The following ATP9B variants were observed in gnomAD, a reference collection of about 807,000 sequenced individuals.
ATP9B encodes the protein ATPase phospholipid transporting 9B.
In ATP9B, 110 loss-of-function variants were observed where a neutral mutation model predicts 146.1. The observed-to-expected ratio is 0.75, with a 90% CI of 0.65 to 0.88. The LOEUF (loss-of-function observed/expected upper bound fraction) is 0.88. ATP9B is among the 40% of genes least tolerant of loss of function. The pLI, the probability that ATP9B is intolerant of heterozygous loss-of-function variation, is 0.00. For missense variants in ATP9B, 1,499 were observed against 1,496.4 expected, an observed-to-expected ratio of 1.00 and a Z score of -0.03; for synonymous variants, 604 against 569.7, an observed-to-expected ratio of 1.06 and a Z score of -0.86.
At chr18:79,361,647 C>A in intron 26 of ATP9B, 1 of 325,798 alleles carries the variant, frequency 3.1e-6, no homozygotes, top group Non-Finnish European at 4.4e-6. Context: ...AAGAAAATAG[C>A]ACTAAAGTAC....
At position 79,374,107 on chromosome 18, in the gene ATP9B, T is replaced by G; in HGVS notation, c.3274+6T>G. On this transcript the variant is annotated splice_donor_region_variant and intron_variant, in intron 28 of 29. Coordinates refer to ENST00000426216, the MANE Select transcript of ATP9B (RefSeq NM_198531.5). ...TTTTCTCAATGAATATTTTGGTAAG[T>G]TGCCTTGGAATTGTTTTTTGAATCG... 6.2e-7 allele frequency: 1 copy of G among 1,613,824 alleles called. No individual in the cohort carries two copies. The highest frequency in any genetic ancestry group is 8.5e-7 in the Non-Finnish European group (1 of 1,179,818).
At chr18:79,146,957 G>T (rs1233471158) in intron 6 of ATP9B, 1 of 152,232 alleles carries the variant, frequency 6.6e-6, no homozygotes, top group East Asian at 1.9e-4. Context: ...TATGTTGTGT[G>T]CACGAAAGTC....
intron 11 of ATP9B, among the ~76,000 whole-genome samples, chr18:79,246,938 G>T (rs2095973660): frequency 6.6e-6 from 1 of 152,174 alleles, no homozygotes; most frequent in Non-Finnish European, 1.5e-5. Context: ...AAATGGATAG[G>T]CTTATCTTAA....
intron 8 of ATP9B, among the ~76,000 whole-genome samples, chr18:79,192,097 A>C (rs2095372177): frequency 6.6e-6 from 1 of 152,190 alleles, no homozygotes; most frequent in Non-Finnish European, 1.5e-5. Flanking sequence ...GTTAGGTGTC[A>C]GAATGAGATC....
chr18:79,342,275 T>TG lies in ATP9B; in HGVS notation c.2292dup (p.Leu765AlafsTer5). On this transcript the variant is annotated frameshift_variant, in exon 20 of 30. Coordinates refer to ENST00000426216, the MANE Select transcript of ATP9B (RefSeq NM_198531.5). LOFTEE classifies it high-confidence loss of function. ...GTTTAAATTGTTCCCTAGATATGGA[T>TG]GCTAACAGGCGATAAACTCGAGACA... 1 of 1,612,592 alleles carries TG rather than the reference T, an allele frequency of 6.2e-7. No homozygotes were observed. The highest frequency in any genetic ancestry group is 8.5e-7 in the Non-Finnish European group (1 of 1,178,824).
chr18:79,348,070 G>T (rs2096900638), intron 24 of ATP9B, 62 bp from the exon 25 acceptor site: 12 of 1,603,374 alleles, frequency 7.5e-6, no homozygotes, highest in Admixed American at 5.0e-5. Context: ...CCCCTGAGAG[G>T]CTTGGGGCCA....
At chr18:79,229,509 T>C (rs530895394) in intron 11 of ATP9B, among the ~76,000 whole-genome samples, 2 of 152,362 alleles carry the variant, frequency 1.3e-5, no homozygotes, top group South Asian at 2.1e-4. Context: ...ATGTTTTTAA[T>C]TCCAAACAAT....
intron 1 of ATP9B, among the ~76,000 whole-genome samples, chr18:79,095,445 G>A (rs1200601390): frequency 6.6e-6 from 1 of 152,120 alleles, no homozygotes; most frequent in Non-Finnish European, 1.5e-5. Flanking sequence ...GATCCAGACT[G>A]GACTCTGGAC....
At chr18:79,185,427 C>G (rs971284175) in intron 8 of ATP9B, among the ~76,000 whole-genome samples, 4 of 152,080 alleles carry the variant, frequency 2.6e-5, no homozygotes, top group Non-Finnish European at 5.9e-5. Flanking sequence ...ATAATTCGTA[C>G]AATGCAACTT....
chr18:79,076,158 A>G (rs569613494), intron 1 of ATP9B, among the ~76,000 whole-genome samples: 13 of 152,362 alleles, frequency 8.5e-5, no homozygotes, highest in African/African-American at 3.1e-4. Context: ...TTAGAACCCT[A>G]TATCAGACAG....
chr18:79,091,681 CT>C (rs2074325596), intron 1 of ATP9B, among the ~76,000 whole-genome samples: 1 of 152,192 alleles, frequency 6.6e-6, no homozygotes, highest in Admixed American at 6.5e-5. Flanking sequence ...CTTGTGAAAT[CT>C]TTAGGTTTTT....
intron 5 of ATP9B, among the ~76,000 whole-genome samples, chr18:79,137,825 C>T (rs888500034): frequency 1.3e-5 from 2 of 152,214 alleles, no homozygotes; most frequent in African/African-American, 4.8e-5. Flanking sequence ...TTGCTCTCCA[C>T]CAGCATCCTG....
chr18:79,230,041 AG>A (rs1172459121), intron 11 of ATP9B, among the ~76,000 whole-genome samples: 1 of 152,180 alleles, frequency 6.6e-6, no homozygotes, highest in Non-Finnish European at 1.5e-5. Flanking sequence ...TAGATATGTC[AG>A]GGAAGATCTT....
Position 79,069,424 on chromosome 18 carries a change from T to C in ATP9B, c.14T>C (p.Ile5Thr). MADQ[I>T]PLYPVRSAAA... is the part of the protein sequence containing the mutation. ...GGCGGTCGGAACATGGCGGACCAGA[T>C]CCCGCTTTACCCGGTGCGTAGCGCA... Residue 5 changes from isoleucine to threonine, a missense_variant, in exon 1 of 30, where the codon ATC becomes ACC. Coordinates refer to ENST00000426216, the MANE Select transcript of ATP9B (RefSeq NM_198531.5). 2 of 1,518,144 alleles carry C rather than the reference T, an allele frequency of 1.3e-6. No individual in the cohort carries two copies. Among genetic ancestry groups the C allele is most frequent in the Non-Finnish European group, 1.8e-6 (2 of 1,136,278 alleles). The allele number at this position is 1,518,144 out of a possible 1,614,324, so 94.0% of individuals were successfully genotyped here.
intron 1 of ATP9B, among the ~76,000 whole-genome samples, chr18:79,094,736 T>C (rs1334046966): frequency 6.6e-6 from 1 of 152,232 alleles, no homozygotes; most frequent in Non-Finnish European, 1.5e-5. Flanking sequence ...TGACAAGAAC[T>C]CTGCATTGGA....
intron 17 of ATP9B, among the ~76,000 whole-genome samples, chr18:79,334,362 GA>G (rs1035313638): frequency 5.0e-4 from 74 of 147,422 alleles, no homozygotes; most frequent in Non-Finnish European, 9.2e-4. Context: ...GTCTCAAAAA[GA>G]AAAAAAAAAG....
At chr18:79,165,919 T>C (rs1233187913) in intron 7 of ATP9B, among the ~76,000 whole-genome samples, 2 of 152,190 alleles carry the variant, frequency 1.3e-5, no homozygotes, top group African/African-American at 4.8e-5. Flanking sequence ...CTGAGCATTG[T>C]ATCCCAGTGA....
At chr18:79,178,002 A>G (rs748982662) in intron 8 of ATP9B, among the ~76,000 whole-genome samples, 21 of 152,238 alleles carry the variant, frequency 1.4e-4, no homozygotes, top group Non-Finnish European at 2.8e-4. Context: ...GGTAGGTTCT[A>G]CTGGACCAAC....
intron 1 of ATP9B, among the ~76,000 whole-genome samples, chr18:79,076,212 G>C (rs1365437757): frequency 6.6e-6 from 1 of 152,114 alleles, no homozygotes; most frequent in Non-Finnish European, 1.5e-5. Context: ...TATTCAAGAG[G>C]CAAAGGAAAG....
Sources: allele counts gnomAD v4.1 joint callset (sites outside exome capture counted in the v4.1 genomes callset), GRCh38; gene constraint gnomAD v4.1.1; transcripts MANE v1.5; gene names NCBI Gene and HGNC (gene_info 2026-07-23, HGNC 2026-07-21).